The following UGT8 variants were observed in gnomAD, a reference collection of about 807,000 sequenced individuals.
UGT8 encodes 2-hydroxyacylsphingosine 1-beta-galactosyltransferase.
A neutral mutation model predicts 40.5 loss-of-function variants in UGT8; 12 were observed. The observed-to-expected ratio is 0.30, with a 90% CI of 0.19 to 0.48. UGT8 has a LOEUF of 0.48. Ranked by LOEUF, UGT8 falls within the 20% of genes least tolerant of loss-of-function variation. The pLI, the probability that UGT8 is intolerant of heterozygous loss-of-function variation, is 0.99. For synonymous variants in UGT8, 224 were observed against 240.4 expected (o/e 0.93, Z 0.63); for missense variants, 513 against 648.7 (o/e 0.79, Z 2.27).
intron 2 of UGT8, chr4:114,656,723 A>AG: frequency 2.0e-6 from 1 of 490,558 alleles, no homozygotes; most frequent in South Asian, 1.6e-5. Flanking sequence ...CTGTGACCTG[A>AG]GGGGGAAGTT....
At chr4:114,622,834 G>A (rs1389001477) in intron 1 of UGT8, 45 bp from the exon 2 acceptor site, 5 of 1,501,266 alleles carry the variant, frequency 3.3e-6, no homozygotes, top group Non-Finnish European at 4.5e-6. Flanking sequence ...TTTGAATGGT[G>A]AGCATTGTAT....
intron 5 of UGT8, among the ~76,000 whole-genome samples, chr4:114,674,740 C>G (rs1735512692): frequency 6.6e-6 from 1 of 152,218 alleles, no homozygotes; most frequent in Non-Finnish European, 1.5e-5. Context: ...ATCAAGTCTT[C>G]ACACATGTCC....
At chr4:114,648,419 T>C (rs1247192788) in intron 2 of UGT8, among the ~76,000 whole-genome samples, 1 of 149,348 alleles carries the variant, frequency 6.7e-6, no homozygotes, top group African/African-American at 2.5e-5. Flanking sequence ...GGATACTTAA[T>C]GAATGGTATT....
intron 2 of UGT8, among the ~76,000 whole-genome samples, chr4:114,642,491 C>T (rs1026692374): frequency 6.6e-6 from 1 of 152,056 alleles, no homozygotes; most frequent in Non-Finnish European, 1.5e-5. Flanking sequence ...CTCAGCTAAA[C>T]CTGATATTTT....
intron 3 of UGT8, 161 bp from the exon 4 acceptor site, chr4:114,665,519 C>T: frequency 1.0e-6 from 1 of 954,860 alleles, no homozygotes; most frequent in Non-Finnish European, 1.2e-6. Context: ...TAAAAAGAAA[C>T]TTAATCAAAT....
chr4:114,658,534 C>T (rs1207860359), intron 2 of UGT8, among the ~76,000 whole-genome samples: 2 of 152,180 alleles, frequency 1.3e-5, no homozygotes, highest in African/African-American at 2.4e-5. Context: ...CTGTTATCCT[C>T]TCTAGAGGTC....
chr4:114,667,521 G>A (rs1734963313), intron 4 of UGT8, among the ~76,000 whole-genome samples: 1 of 152,076 alleles, frequency 6.6e-6, no homozygotes, highest in South Asian at 2.1e-4. Context: ...ACCTCTACAT[G>A]TTTGAGCACA....
chr4:114,639,741 T>C (rs561025346), intron 2 of UGT8, among the ~76,000 whole-genome samples: 6 of 152,334 alleles, frequency 3.9e-5, no homozygotes, highest in Non-Finnish European at 8.8e-5. Context: ...TCTCAGAACT[T>C]CAACTTATCC....
At chr4:114,667,996 T>A (rs1734996784) in intron 4 of UGT8, 89 bp from the exon 5 acceptor site, 2 of 1,531,052 alleles carry the variant, frequency 1.3e-6, no homozygotes, top group Admixed American at 3.9e-5. Context: ...GCATGTTTAC[T>A]GTAGTGCCGA....
At chr4:114,605,935 A>C (rs1356553492) in intron 1 of UGT8, among the ~76,000 whole-genome samples, 1 of 152,314 alleles carries the variant, frequency 6.6e-6, no homozygotes, top group East Asian at 1.9e-4. Flanking sequence ...TAGTGACATT[A>C]AAGCACATTA....
At chr4:114,601,653 T>G (rs371991394) in intron 1 of UGT8, among the ~76,000 whole-genome samples, 2 of 152,146 alleles carry the variant, frequency 1.3e-5, no homozygotes, top group East Asian at 3.9e-4. Context: ...CTTGTTCCCT[T>G]GGAGAATATT....
rs558456424 is a variant in UGT8, at chr4:114,641,717, G to A, written c.822+18015G>A. ...CCACTGTAGTAAACTGGAGAAAAAC[G>A]AGAGAGGAGAATGGAACAGAAAAAA... On this transcript the variant is annotated intron_variant, in intron 2 of 5. Transcript: ENST00000310836. Among the ~76,000 whole-genome samples, 27 of 152,256 alleles carry A rather than the reference G, an allele frequency of 1.8e-4. No homozygotes were observed. The South Asian group carries it at 4.6e-3, about 26-fold the overall frequency.
At chr4:114,617,121 G>A (rs975216156) in intron 1 of UGT8, among the ~76,000 whole-genome samples, 1 of 152,148 alleles carries the variant, frequency 6.6e-6, no homozygotes, top group African/African-American at 2.4e-5. Context: ...GGGCACGGTG[G>A]TATGTGCCTG....
At chr4:114,615,497 C>T (rs1043243409) in intron 1 of UGT8, among the ~76,000 whole-genome samples, 12 of 152,122 alleles carry the variant, frequency 7.9e-5, no homozygotes, top group Non-Finnish European at 1.6e-4. Context: ...ATCCTGAGTC[C>T]CCCTAGGGCT....
intron 1 of UGT8, among the ~76,000 whole-genome samples, chr4:114,617,490 A>G (rs1386795089): frequency 1.3e-5 from 2 of 152,236 alleles, no homozygotes; most frequent in Non-Finnish European, 2.9e-5. Context: ...AAAAAAGGGT[A>G]GACTGATAAT....
chr4:114,599,060 G>A (rs1162749233), intron 1 of UGT8, 86 bp downstream of exon 1: 1 of 147,946 alleles, frequency 6.8e-6, no homozygotes, highest in African/African-American at 2.5e-5. Flanking sequence ...TCCCTGAGGT[G>A]AGTGCCGGGC....
At chr4:114,635,979 GA>G (rs1057157308) in intron 2 of UGT8, among the ~76,000 whole-genome samples, 1 of 152,120 alleles carries the variant, frequency 6.6e-6, no homozygotes, top group African/African-American at 2.4e-5. Context: ...TCATTTTTCA[GA>G]ACATATGGGA....
chr4:114,675,826 T>A, intron 5 of UGT8, 99 bp from the exon 6 acceptor site: 2 of 1,388,188 alleles, frequency 1.4e-6, no homozygotes, highest in Non-Finnish European at 1.9e-6. Flanking sequence ...TACTAAAGAA[T>A]AGTTGTTTTA....
intron 1 of UGT8, among the ~76,000 whole-genome samples, chr4:114,608,848 G>A (rs536122478): frequency 6.6e-6 from 1 of 152,206 alleles, no homozygotes; most frequent in East Asian, 1.9e-4. Context: ...ACCATAGTTG[G>A]AGAAAATAAT....
Sources: gnomAD v4.1 joint callset for allele counts (sites outside exome capture counted in the v4.1 genomes callset) on GRCh38, gnomAD v4.1.1 for gene constraint, MANE v1.5 for transcripts, NCBI Gene and HGNC (gene_info 2026-07-23, HGNC 2026-07-21) for gene names.